Variants in AGAP1 observed in about 807,000 individuals in gnomAD.
The protein encoded by AGAP1 is ArfGAP with GTPase domain, ankyrin repeat and PH domain 1.
In AGAP1, 29 loss-of-function variants were observed where a neutral mutation model predicts 105.3. The observed-to-expected ratio is 0.28, with a 90% CI of 0.21 to 0.38. The LOEUF (loss-of-function observed/expected upper bound fraction) is 0.38, where lower values mean the gene tolerates loss of function less well. Among genes scored for constraint, AGAP1 ranks in the 10% least tolerant of loss-of-function variants. The pLI is 1.00. For synonymous variants in AGAP1, 509 were observed against 485.9 expected (o/e 1.05, Z -0.63); for missense variants, 998 against 1,165.1 (o/e 0.86, Z 2.09).
chr2:235,997,166 T>C (rs755988997), intron 13 of AGAP1, among the ~76,000 whole-genome samples: 1 of 152,230 alleles, frequency 6.6e-6, no homozygotes, highest in Non-Finnish European at 1.5e-5. Flanking sequence ...CTCGGCTCAC[T>C]GCAACTTCTG....
intron 12 of AGAP1, among the ~76,000 whole-genome samples, chr2:235,945,707 C>T (rs181035314): frequency 7.9e-5 from 12 of 152,124 alleles, no homozygotes; most frequent in African/African-American, 2.2e-4. Flanking sequence ...TCCGTTCTCA[C>T]ACTGCTATAA....
intron 10 of AGAP1, among the ~76,000 whole-genome samples, chr2:235,902,561 A>G (rs1326110322): frequency 6.6e-6 from 1 of 152,246 alleles, no homozygotes; most frequent in Non-Finnish European, 1.5e-5. Context: ...TTTCATTTGT[A>G]TCACCGCCAA....
At chr2:236,037,699 C>T (rs529720969) in intron 14 of AGAP1, among the ~76,000 whole-genome samples, 3 of 152,330 alleles carry the variant, frequency 2.0e-5, no homozygotes, top group African/African-American at 4.8e-5. Flanking sequence ...TGAGCTACCA[C>T]GCCTGGCTTA....
intron 1 of AGAP1, among the ~76,000 whole-genome samples, chr2:235,593,425 CAG>C (rs67162880): frequency 0.083 from 12,602 of 152,042 alleles, 1,460 homozygotes; most frequent in East Asian, 0.34. Context: ...GTGGGGAGGA[CAG>C]AATCTAATTT....
rs894287756 is a variant in AGAP1, at chr2:235,664,243, C to T, written c.164-44936C>T. ...TTTTTTTTTTCGAGACGGAGTTTCA[C>T]TATTGTTGCCCAGGCTAGAGTGCAG... On this transcript the variant is annotated intron_variant, in intron 1 of 17. Coordinates refer to ENST00000304032, the MANE Select transcript of AGAP1 (RefSeq NM_001037131.3). This position sits in a 1 kb window ranked among gnomAD's most constrained non-coding sequence, Gnocchi z 5.7. 1.3e-5 allele frequency among the ~76,000 whole-genome samples: 2 copies of T among 151,574 alleles called. No individual in the cohort carries two copies. Among genetic ancestry groups the T allele is most frequent in the Non-Finnish European group, 2.9e-5 (2 of 67,922 alleles).
intron 13 of AGAP1, among the ~76,000 whole-genome samples, chr2:235,974,612 C>G (rs2054781987): frequency 6.6e-6 from 1 of 152,336 alleles, no homozygotes; most frequent in East Asian, 1.9e-4. Flanking sequence ...TTGAAAGATT[C>G]TCCTGTAGAG....
rs112964283 is a variant in AGAP1, at chr2:235,883,167, G to A, written c.1051-178G>A. On this transcript the variant is annotated intron_variant, in intron 9 of 17. Coordinates refer to ENST00000304032, the MANE Select transcript of AGAP1 (RefSeq NM_001037131.3). The surrounding 1 kb of genome is among the most constrained non-coding windows in gnomAD (Gnocchi z 4.5). Reference sequence around the variant, plus strand: ...TTATCCAAAAGATCTAGTGTAGCACGTCTCAATGTGTTTGTGTCGTATTTG... The same window carrying A: ...TTATCCAAAAGATCTAGTGTAGCACATCTCAATGTGTTTGTGTCGTATTTG... 2.3e-4 allele frequency among the ~76,000 whole-genome samples: 35 copies of A among 151,946 alleles called. No homozygotes were observed. Among genetic ancestry groups the A allele is most frequent in the African/African-American group, 8.2e-4 (34 of 41,336 alleles).
intron 10 of AGAP1, among the ~76,000 whole-genome samples, chr2:235,894,634 T>TAC (rs894881918): frequency 4.5e-4 from 11 of 24,258 alleles, no homozygotes; most frequent in African/African-American, 6.0e-4. Context: ...CATGCACATG[T>TAC]ACACACACAC....
intron 9 of AGAP1, among the ~76,000 whole-genome samples, chr2:235,833,270 G>A (rs530229707): frequency 3.9e-5 from 6 of 152,346 alleles, no homozygotes; most frequent in East Asian, 1.9e-4. Flanking sequence ...GCACGGGAGC[G>A]GGACCACACG....
intron 13 of AGAP1, among the ~76,000 whole-genome samples, chr2:236,011,474 A>C (rs963898759): frequency 7.9e-5 from 12 of 152,234 alleles, no homozygotes; most frequent in African/African-American, 2.9e-4. Flanking sequence ...ATCCTGCCGC[A>C]TACATAGCTA....
In AGAP1 at chr2:235,961,921, T is replaced by C. The variant is rs571593318; in HGVS notation, c.1484-6541T>C. Among the ~76,000 whole-genome samples the C allele has an allele frequency of 6.6e-6, 1 of 151,920 alleles. No homozygotes were observed. The highest frequency in any genetic ancestry group is 1.5e-5 in the Non-Finnish European group (1 of 67,972). ...CTCATGTTTAGTGCCGGGTGCTGGG[T>C]GAGCGAGGGTGGGTGAGCATCCATT... is the stretch of plus-strand genomic sequence containing the variant. On this transcript the variant is annotated intron_variant, in intron 12 of 17. Coordinates refer to ENST00000304032, the MANE Select transcript of AGAP1 (RefSeq NM_001037131.3). The surrounding 1 kb of genome is among the most constrained non-coding windows in gnomAD (Gnocchi z 5.9).
intron 1 of AGAP1, among the ~76,000 whole-genome samples, chr2:235,499,104 C>G (rs1941449734): frequency 6.6e-6 from 1 of 152,188 alleles, no homozygotes; most frequent in Non-Finnish European, 1.5e-5. Context: ...GGCCAGAAAG[C>G]TTAGGACACT....
intron 6 of AGAP1, among the ~76,000 whole-genome samples, chr2:235,762,975 A>G (rs13408802): frequency 0.044 from 6,706 of 151,690 alleles, 521 homozygotes; most frequent in African/African-American, 0.15. Context: ...AGGATATAAA[A>G]TATGGAAATA....
chr2:235,595,186 G>A (rs1198152688), intron 1 of AGAP1, among the ~76,000 whole-genome samples: 1 of 152,172 alleles, frequency 6.6e-6, no homozygotes, highest in Non-Finnish European at 1.5e-5. Context: ...CCAGCCTCCA[G>A]GGGAAGGGGA....
In AGAP1 at chr2:235,736,600, A is replaced by G. The variant is rs1952269083; in HGVS notation, c.311-4363A>G. 6.6e-6 allele frequency among the ~76,000 whole-genome samples: 1 copy of G among 152,162 alleles called. No individual in the cohort carries two copies. Among genetic ancestry groups the G allele is most frequent in the Non-Finnish European group, 1.5e-5 (1 of 68,028 alleles). On this transcript the variant is annotated intron_variant, in intron 3 of 17. Coordinates refer to ENST00000304032, the MANE Select transcript of AGAP1 (RefSeq NM_001037131.3). The surrounding 1 kb of genome is among the most constrained non-coding windows in gnomAD (Gnocchi z 5.5). ...TATCCTCTAAAATTCTGGTGGAAAAAAGATCTCCCTTTGGGAGGCTGAGGC... is the reference window on the plus strand; with the variant it reads ...TATCCTCTAAAATTCTGGTGGAAAAGAGATCTCCCTTTGGGAGGCTGAGGC...
At chr2:235,698,942 A>C (rs59063622) in intron 1 of AGAP1, among the ~76,000 whole-genome samples, 11,922 of 152,230 alleles carry the variant, frequency 0.078, 1,538 homozygotes, top group African/African-American at 0.27. Flanking sequence ...GTTTTTAGCA[A>C]GCTCCTGAAG....
At position 236,073,788 on chromosome 2, in the gene AGAP1, T is replaced by C. The variant is rs2058565744; in HGVS notation, c.2114+24507T>C. Among the ~76,000 whole-genome samples, 1 of 152,080 alleles carries C rather than the reference T, an allele frequency of 6.6e-6. No individual in the cohort carries two copies. The highest frequency in any genetic ancestry group is 1.5e-5 in the Non-Finnish European group (1 of 68,008). On this transcript the variant is annotated intron_variant, in intron 16 of 17. Coordinates refer to ENST00000304032, the MANE Select transcript of AGAP1 (RefSeq NM_001037131.3). This position sits in a 1 kb window ranked among gnomAD's most constrained non-coding sequence, Gnocchi z 5.4. ...TGTTCACATGGGCTGCAAACATGGC[T>C]TTACCCCACCGTCTCCCGTGGCCTT...
Position 235,959,509 on chromosome 2 carries a change from G to A in AGAP1, c.1484-8953G>A, listed in dbSNP as rs866082332. Among the ~76,000 whole-genome samples, 3 of 152,258 alleles carry A rather than the reference G, an allele frequency of 2.0e-5. No homozygotes were observed. Among genetic ancestry groups the A allele is most frequent in the Non-Finnish European group, 2.9e-5 (2 of 68,024 alleles). ...CTCAGCGCCCAGTGGACGGGAACCC[G>A]GTCCTTCTTGCCATGAGAACACCCA... On this transcript the variant is annotated intron_variant, in intron 12 of 17. Coordinates refer to ENST00000304032, the MANE Select transcript of AGAP1 (RefSeq NM_001037131.3). This position sits in a 1 kb window ranked among gnomAD's most constrained non-coding sequence, Gnocchi z 7.3.
At chr2:235,527,737 A>G (rs1173387043) in intron 1 of AGAP1, among the ~76,000 whole-genome samples, 1 of 152,136 alleles carries the variant, frequency 6.6e-6, no homozygotes, top group Non-Finnish European at 1.5e-5. Flanking sequence ...TTCACGGTAG[A>G]AACAGGGTGG....
Sources: allele counts gnomAD v4.1 joint callset (sites outside exome capture counted in the v4.1 genomes callset), GRCh38; gene constraint gnomAD v4.1.1; non-coding constraint Gnocchi (gnomAD v3.1); transcripts MANE v1.5; gene names NCBI Gene and HGNC (gene_info 2026-07-23, HGNC 2026-07-21).